Variants in SEMA4A observed in about 807,000 individuals in gnomAD.
SEMA4A encodes semaphorin-4A.
Under a neutral mutation model 72.5 loss-of-function variants are expected in SEMA4A, and 52 were observed. The ratio of observed to expected loss-of-function variants is 0.72; its 90% CI spans 0.57 to 0.90. The LOEUF is 0.90. SEMA4A is among the 40% of genes least tolerant of loss of function. SEMA4A has a pLI of 0.00. For missense variants in SEMA4A, 926 were observed against 959.7 expected (o/e 0.96, Z 0.46); for synonymous variants, 369 against 393.1 (o/e 0.94, Z 0.73).
rs1312040193 is a variant in SEMA4A at position 156,161,503 on chromosome 1, T to G, written c.968T>G (p.Val323Gly). The G allele has an allele frequency of 6.2e-7, 1 of 1,613,858 alleles. No individual in the cohort carries two copies. The highest frequency in any genetic ancestry group is 8.5e-7 in the Non-Finnish European group (1 of 1,179,970). ...CCCACAGCTCCCCACATCTACGCAG[T>G]CTTCACCTCCCAGTGGTGAGCAGCA... ...DSPTAPHIYA[V>G]FTSQWQVGGT... Residue 323 changes from valine to glycine, a missense_variant, in exon 9 of 15, where the codon GTC (valine) becomes GGC (glycine). Physicochemically the swap from Val to Gly is moderately radical, Grantham distance 109. Coordinates refer to ENST00000368285, the MANE Select transcript of SEMA4A (RefSeq NM_022367.4).
Position 156,161,369 on chromosome 1 carries a change from G to A in SEMA4A, c.834G>A (p.Leu278=), listed in dbSNP as rs1397355665. 5 of 1,603,676 alleles carry A rather than the reference G, an allele frequency of 3.1e-6. No individual in the cohort carries two copies. Among genetic ancestry groups the A allele is most frequent in the Non-Finnish European group, 4.3e-6 (5 of 1,173,652 alleles). Residue 278 remains leucine, a synonymous_variant, in exon 9 of 15, where the codon CTG becomes CTA. Transcript: ENST00000368285. Reference sequence around the variant, plus strand: ...AGAATGACGTGGGCGGCGAAAAGCTGCTGCAGAAGAAGTGGACCACCTTCC... The same window carrying A: ...AGAATGACGTGGGCGGCGAAAAGCTACTGCAGAAGAAGTGGACCACCTTCC... The part of the protein sequence containing the change: ...VCKNDVGGEK[L]LQKKWTTFLK...
At chr1:156,151,838 CAAAA>C (rs546304826), upstream of SEMA4A, among the ~76,000 whole-genome samples, 110 of 17,518 alleles carry the variant, frequency 6.3e-3, no homozygotes, top group African/African-American at 0.013. Context: ...CACTTCGTCT[CAAAA>C]AAAAAAAAAA....
chr1:156,175,013 G>C (rs1655176563), intron 12 of SEMA4A, 73 bp downstream of exon 12: 1 of 1,614,084 alleles, frequency 6.2e-7, no homozygotes. Context: ...CTGGCTCCCT[G>C]GGCCTGCACC....
At chr1:156,174,296 A>G (rs1655095180) in intron 11 of SEMA4A, among the ~76,000 whole-genome samples, 1 of 152,248 alleles carries the variant, frequency 6.6e-6, no homozygotes, top group Admixed American at 6.5e-5. Context: ...TTGGGTATAC[A>G]GCAGAGAACA....
chr1:156,159,339 A>C (rs1431316207), intron 6 of SEMA4A, among the ~76,000 whole-genome samples: 2 of 152,112 alleles, frequency 1.3e-5, no homozygotes, highest in Non-Finnish European at 2.9e-5. Flanking sequence ...GTCTCAAAAC[A>C]AAACAAAACA....
At chr1:156,161,232 C>T in intron 8 of SEMA4A, 114 bp from the exon 9 acceptor site, 2 of 433,952 alleles carry the variant, frequency 4.6e-6, no homozygotes, top group South Asian at 2.6e-5. Flanking sequence ...GGTGGGGACA[C>T]GCGGGGCTGG....
rs374336303 is a variant in SEMA4A, at chr1:156,158,152, T to C, written c.363+20T>C. 365 of 1,612,414 alleles carry C rather than the reference T, an allele frequency of 2.3e-4. No homozygotes were observed. The highest frequency in any genetic ancestry group is 3.0e-4 in the Non-Finnish European group (353 of 1,179,324). On this transcript the variant is annotated intron_variant, in intron 4 of 14. Transcript: ENST00000368285. ...AATGAGGTAAGTGGAGGTGGGGGAG[T>C]AGGGGTAGAGTGGGTAGAGAGCTCT... is the stretch of plus-strand genomic sequence containing the variant.
At position 156,175,127 on chromosome 1, in the gene SEMA4A, G is replaced by A; in HGVS notation, c.1476G>A (p.Val492=). 6.2e-7 allele frequency: 1 copy of A among 1,614,140 alleles called. No individual in the cohort carries two copies. The highest frequency in any genetic ancestry group is 8.5e-7 in the Non-Finnish European group (1 of 1,180,012). ...FVGFSGGVWR[V]PRANCSVYES... is the part of the protein sequence containing the mutation. ...GCTTCTCAGGAGGTGTCTGGAGGGT[G>A]CCCCGAGCCAACTGTAGTGTCTATG... Residue 492 remains valine, a synonymous_variant, in exon 13 of 15, where the codon GTG becomes GTA. Coordinates refer to ENST00000368285, the MANE Select transcript of SEMA4A (RefSeq NM_022367.4).
chr1:156,165,530 G>A (rs1181366347), intron 10 of SEMA4A, among the ~76,000 whole-genome samples: 1 of 152,026 alleles, frequency 6.6e-6, no homozygotes, highest in Admixed American at 6.6e-5. Flanking sequence ...ATAGAAATAC[G>A]TTTCCTTCAA....
At position 156,154,648 on chromosome 1, in the gene SEMA4A, C is replaced by T; in HGVS notation, c.70C>T (p.Leu24=). 1 of 1,607,866 alleles carries T rather than the reference C, an allele frequency of 6.2e-7. No homozygotes were observed. Among genetic ancestry groups the T allele is most frequent in the East Asian group, 2.2e-5 (1 of 44,732 alleles). ...CCTTTTCCTCTTCCAACTGCTTCAG[C>T]TGCTGCTGCCGACGACGACCGCGGG... The part of the protein sequence containing the change: ...LGLFLFQLLQ[L]LLPTTTAGGG... Residue 24 remains leucine, a synonymous_variant, in exon 2 of 15, where the codon CTG becomes TTG. Transcript: ENST00000368285.
chr1:156,149,757 T>G (rs2102917178), upstream of SEMA4A: 1 of 152,340 alleles, frequency 6.6e-6, no homozygotes, highest in Middle Eastern at 3.4e-3. Flanking sequence ...TGCACGGTGG[T>G]GCCTGCTGAA....
At chr1:156,150,824 G>T (rs1292188635), upstream of SEMA4A, among the ~76,000 whole-genome samples, 3 of 152,158 alleles carry the variant, frequency 2.0e-5, no homozygotes, top group Non-Finnish European at 4.4e-5. Flanking sequence ...TGCAGGGGAG[G>T]AGCTGGACTC....
chr1:156,158,721 A>G lies in SEMA4A; in HGVS notation c.465A>G (p.Glu155=), dbSNP rs771402877. Reference sequence around the variant, plus strand: ...CCCCAGCCTCTCTCCCCATTTAGGAACTTCAAGATTCCTACCTGTTGCCCA... The same window carrying G: ...CCCCAGCCTCTCTCCCCATTTAGGAGCTTCAAGATTCCTACCTGTTGCCCA... ...FAFSPACTFI[E]LQDSYLLPIS... The change falls in exon 6 of 15, where the codon GAA becomes GAG. Residue 155 remains glutamate (E), a splice_region_variant and synonymous_variant. Transcript: ENST00000368285. The G allele has an allele frequency of 4.3e-6, 7 of 1,612,498 alleles. No individual in the cohort carries two copies. The highest frequency in any genetic ancestry group is 3.3e-5 in the South Asian group (3 of 91,016).
At chr1:156,166,071 TAA>T (rs1654129908) in intron 10 of SEMA4A, among the ~76,000 whole-genome samples, 1 of 152,054 alleles carries the variant, frequency 6.6e-6, no homozygotes, top group Non-Finnish European at 1.5e-5. Flanking sequence ...CATGCCCAGT[TAA>T]TTTTTGTATT....
At chr1:156,151,770 A>C (rs565571289), upstream of SEMA4A, among the ~76,000 whole-genome samples, 732 of 132,638 alleles carry the variant, frequency 5.5e-3, 3 homozygotes, top group Non-Finnish European at 8.6e-3. Context: ...CGGGAGGTGG[A>C]GGTTGCAGTG....
upstream of SEMA4A, among the ~76,000 whole-genome samples, chr1:156,149,445 G>A (rs1356214240): frequency 2.0e-5 from 3 of 152,190 alleles, no homozygotes; most frequent in East Asian, 3.9e-4. Flanking sequence ...GCTTAGGAAG[G>A]AGAGGCAGAA....
At chr1:156,164,152 A>T (rs1653949871) in intron 10 of SEMA4A, among the ~76,000 whole-genome samples, 1 of 152,208 alleles carries the variant, frequency 6.6e-6, no homozygotes. Flanking sequence ...CATGATTTGA[A>T]GAATCAAATA....
At chr1:156,159,750 AAAAAC>A (rs1324433979) in intron 6 of SEMA4A, among the ~76,000 whole-genome samples, 1 of 151,954 alleles carries the variant, frequency 6.6e-6, no homozygotes, top group Admixed American at 6.6e-5. Flanking sequence ...CGTCTCTACT[AAAAAC>A]AAAACAAAAC....
chr1:156,160,177 A>G (rs510441), intron 6 of SEMA4A, among the ~76,000 whole-genome samples: 30,213 of 151,964 alleles, frequency 0.2, 3,276 homozygotes, highest in Non-Finnish European at 0.24. Flanking sequence ...TCAGCTAGGT[A>G]TGTGACGAAG....
Sources: gnomAD v4.1 joint callset for allele counts (sites outside exome capture counted in the v4.1 genomes callset) on GRCh38, gnomAD v4.1.1 for gene constraint, MANE v1.5 for transcripts, NCBI Gene and HGNC (gene_info 2026-07-23, HGNC 2026-07-21) for gene names.